The following MEGF11 variants were observed in gnomAD, a reference collection of about 807,000 sequenced individuals.
MEGF11 encodes multiple EGF like domains 11, also known as multiple epidermal growth factor-like domains protein 11.
A neutral mutation model predicts 146.6 loss-of-function variants in MEGF11; 126 were observed. The ratio of observed to expected loss-of-function variants is 0.86; its 90% confidence interval spans 0.74 to 1.00. MEGF11 has a LOEUF of 1.00. Among genes scored for constraint, MEGF11 ranks in the 50% least tolerant of loss-of-function variants. MEGF11 has a pLI of 0.00. For synonymous variants in MEGF11, 532 were observed against 583.4 expected, an observed-to-expected ratio of 0.91 and a Z score of 1.27; for missense variants, 1,509 against 1,521.2, an observed-to-expected ratio of 0.99 and a Z score of 0.13.
intron 4 of MEGF11, among the ~76,000 whole-genome samples, chr15:66,111,639 G>A (rs1365182194): frequency 6.6e-6 from 1 of 152,196 alleles, no homozygotes; most frequent in Non-Finnish European, 1.5e-5. Flanking sequence ...GAAGTCGCCA[G>A]CTCCATGTAG....
At chr15:65,923,226 A>G (rs540773480) in intron 13 of MEGF11, among the ~76,000 whole-genome samples, 14 of 152,368 alleles carry the variant, frequency 9.2e-5, no homozygotes, top group African/African-American at 2.6e-4. Context: ...GGCAGGAGAA[A>G]GAATCATGTC....
At chr15:66,079,062 G>T (rs1046570891) in intron 5 of MEGF11, among the ~76,000 whole-genome samples, 1 of 152,158 alleles carries the variant, frequency 6.6e-6, no homozygotes, top group African/African-American at 2.4e-5. Flanking sequence ...GATGTGACTG[G>T]CCCCAAATCT....
intron 5 of MEGF11, among the ~76,000 whole-genome samples, chr15:66,029,141 A>G (rs2083434476): frequency 6.6e-6 from 1 of 151,826 alleles, no homozygotes; most frequent in South Asian, 2.1e-4. Flanking sequence ...GTGGCCAGGC[A>G]AACAGAATTG....
chr15:65,932,535 A>T (rs1252116726), intron 10 of MEGF11, among the ~76,000 whole-genome samples: 1 of 151,990 alleles, frequency 6.6e-6, no homozygotes, highest in Non-Finnish European at 1.5e-5. Context: ...ATCAGAGAAG[A>T]GTGGGGTAAA....
chr15:65,977,355 GGTTGGTA>G, intron 7 of MEGF11, among the ~76,000 whole-genome samples: 1 of 152,074 alleles, frequency 6.6e-6, no homozygotes, highest in Non-Finnish European at 1.5e-5. Flanking sequence ...AGTGAGCTGT[GGTTGGTA>G]TGGGTGCTGT....
chr15:66,082,953 G>T (rs543175638), intron 5 of MEGF11, among the ~76,000 whole-genome samples: 1 of 152,222 alleles, frequency 6.6e-6, no homozygotes, highest in South Asian at 2.1e-4. Flanking sequence ...CCCCTCACCT[G>T]TCCCAGGCCA....
chr15:65,919,530 CTT>C (rs1290827034), intron 15 of MEGF11, among the ~76,000 whole-genome samples: 1 of 151,336 alleles, frequency 6.6e-6, no homozygotes, highest in South Asian at 2.1e-4. Context: ...TTAAAAAACA[CTT>C]TATTGCAAAA....
intron 1 of MEGF11, among the ~76,000 whole-genome samples, chr15:66,170,524 C>G (rs982040282): frequency 1.3e-5 from 2 of 152,188 alleles, no homozygotes; most frequent in African/African-American, 4.8e-5. Context: ...TCAGGGCATG[C>G]CATGTGACCT....
At chr15:66,163,452 T>C (rs1181866462) in intron 1 of MEGF11, among the ~76,000 whole-genome samples, 4 of 152,048 alleles carry the variant, frequency 2.6e-5, no homozygotes, top group Admixed American at 6.5e-5. Flanking sequence ...GGCAGGTAGA[T>C]AGTGAGTTCT....
chr15:66,253,085 G>A (rs1390369141), intron 1 of MEGF11, among the ~76,000 whole-genome samples: 1 of 152,238 alleles, frequency 6.6e-6, no homozygotes, highest in Non-Finnish European at 1.5e-5. Flanking sequence ...GGGGCTTAGC[G>A]GCCGCGGGGC....
At position 65,982,344 on chromosome 15, in the gene MEGF11, G is replaced by T. The variant is rs758884818; in HGVS notation, c.539C>A (p.Thr180Asn). ...WRCEELCAPG[T>N]HGKGCQLPCQ... ...CGGCAGCTGGCATCCCTTGCCGTGG[G>T]TGCCAGGTGCGCAGAGCTCCTCGCA... The change falls in exon 6 of 26, where the codon ACC (threonine) becomes AAC (asparagine). Residue 180 changes from threonine to asparagine, a missense_variant. Thr to Asn is a moderately conservative substitution (Grantham distance 65, BLOSUM62 0). Transcript: ENST00000395614. This position sits in a 1 kb window ranked among gnomAD's most constrained non-coding sequence, Gnocchi z 5.6. The T allele has an allele frequency of 6.5e-7, 1 of 1,530,510 alleles. No homozygotes were observed. 94.8% of individuals were successfully genotyped at this position (1,530,510 alleles called of 1,614,324 possible). A position where few individuals can be genotyped will look rare whatever the true frequency, so the allele number is the denominator to read the frequency against.
intron 13 of MEGF11, among the ~76,000 whole-genome samples, chr15:65,928,179 A>ATGG (rs1337017303): frequency 2.0e-5 from 3 of 152,170 alleles, no homozygotes; most frequent in Non-Finnish European, 4.4e-5. Context: ...CACCAACCAT[A>ATGG]TGTCAGCTTT....
chr15:66,041,196 C>T (rs1039588043), intron 5 of MEGF11, among the ~76,000 whole-genome samples: 1 of 152,206 alleles, frequency 6.6e-6, no homozygotes, highest in Non-Finnish European at 1.5e-5. Flanking sequence ...CCTGTCTAAG[C>T]TGGATACAGC....
At chr15:66,125,223 G>A (rs1310112599) in intron 2 of MEGF11, among the ~76,000 whole-genome samples, 1 of 152,200 alleles carries the variant, frequency 6.6e-6, no homozygotes, top group African/African-American at 2.4e-5. Flanking sequence ...GGCTCTCGGT[G>A]TGCCCCCACC....
chr15:66,054,167 C>T (rs940711149), intron 5 of MEGF11, among the ~76,000 whole-genome samples: 3 of 152,160 alleles, frequency 2.0e-5, no homozygotes, highest in Admixed American at 2.0e-4. Flanking sequence ...CTGCCTGGCC[C>T]AGCCCCTGTC....
chr15:66,236,361 C>G (rs1488234844), intron 1 of MEGF11, among the ~76,000 whole-genome samples: 1 of 152,164 alleles, frequency 6.6e-6, no homozygotes, highest in African/African-American at 2.4e-5. Context: ...TTCCGACAGG[C>G]AGGGACATGG....
At chr15:66,218,373 C>T (rs1210951517) in intron 1 of MEGF11, among the ~76,000 whole-genome samples, 2 of 152,180 alleles carry the variant, frequency 1.3e-5, no homozygotes, top group African/African-American at 2.4e-5. Flanking sequence ...GCTCATGGGG[C>T]CTGCAACCAG....
At chr15:66,094,531 C>A in intron 4 of MEGF11, 37 bp from the exon 5 acceptor site, 1 of 1,525,222 alleles carries the variant, frequency 6.6e-7, no homozygotes, top group Non-Finnish European at 8.9e-7. Flanking sequence ...AGAACCAGAA[C>A]AAACAGTGAA....
At chr15:66,216,149 G>T (rs1211033460) in intron 1 of MEGF11, among the ~76,000 whole-genome samples, 2 of 152,172 alleles carry the variant, frequency 1.3e-5, no homozygotes, top group African/African-American at 2.4e-5. Context: ...TCTCTCCAAA[G>T]CCACAGGCTG....
Sources: gnomAD v4.1 joint callset for allele counts (sites outside exome capture counted in the v4.1 genomes callset) on GRCh38, gnomAD v4.1.1 for gene constraint, Gnocchi (gnomAD v3.1) non-coding constraint, MANE v1.5 for transcripts, NCBI Gene and HGNC (gene_info 2026-07-23, HGNC 2026-07-21) for gene names.